HSDL2: variants seen among roughly 807,000 people sequenced by gnomAD.
HSDL2 encodes the protein hydroxysteroid dehydrogenase-like protein 2.
In HSDL2, 27 loss-of-function variants were observed where a neutral mutation model predicts 46.3. That is an observed-to-expected ratio of 0.58 (90% CI 0.43 to 0.80). The LOEUF is 0.80. Among genes scored for constraint, HSDL2 ranks in the 30% least tolerant of loss-of-function variants. The pLI is 0.00. For missense variants in HSDL2, 451 were observed against 502.7 expected, an observed-to-expected ratio of 0.90 and a Z score of 0.98; for synonymous variants, 153 against 163.6, an observed-to-expected ratio of 0.94 and a Z score of 0.50.
intron 8 of HSDL2, among the ~76,000 whole-genome samples, chr9:112,445,118 A>G (rs1173358675): frequency 6.6e-6 from 1 of 152,146 alleles, no homozygotes; most frequent in African/African-American, 2.4e-5. Context: ...GCCTCAAACA[A>G]TCATCCTGCC....
Position 112,470,509 on chromosome 9 carries a change from G to A in HSDL2, c.1222G>A (p.Glu408Lys). 1 of 1,610,084 alleles carries A rather than the reference G, an allele frequency of 6.2e-7. No individual in the cohort carries two copies. Among genetic ancestry groups the A allele is most frequent in the Non-Finnish European group, 8.5e-7 (1 of 1,177,130 alleles). Residue 408 changes from glutamate (E) to lysine (K), a missense_variant, in exon 11 of 11, where the codon GAG becomes AAG. Transcript: ENST00000398805. ...KGNMALAIKL[E>K]KLMNQMNARL ...TAACATGGCCCTAGCAATCAAATTG[G>A]AGAAGCTAATGAATCAGATGAATGC... is the stretch of plus-strand genomic sequence containing the variant.
At chr9:112,434,953 C>T (rs1203158054) in intron 6 of HSDL2, among the ~76,000 whole-genome samples, 1 of 152,122 alleles carries the variant, frequency 6.6e-6, no homozygotes, top group East Asian at 1.9e-4. Flanking sequence ...TGATCCATGG[C>T]TTATCTGCTT....
chr9:112,391,319 T>A lies in HSDL2; in HGVS notation c.17+11139T>A, dbSNP rs1232718283. Among the ~76,000 whole-genome samples the A allele has an allele frequency of 2.0e-5, 3 of 150,692 alleles. No individual in the cohort carries two copies. The East Asian group carries it at 5.9e-4, about 30-fold the overall frequency. The stretch of plus-strand genomic sequence containing the variant: ...TGTCCCCCCCCAAAAAATAAAAAAA[T>A]TAAATTAACCAGGCATGTTGGCATG... On this transcript the variant is annotated intron_variant, in intron 1 of 10. Coordinates refer to ENST00000398805, the MANE Select transcript of HSDL2 (RefSeq NM_032303.5).
rs1831244651 is a variant in HSDL2 at position 112,387,593 on chromosome 9, T to C, written c.17+7413T>C. ...CATGGAAGCTTATTATACTCTTTTC[T>C]GGTTTTTTAAATGTATTTGAAAATT... On this transcript the variant is annotated intron_variant, in intron 1 of 10. Coordinates refer to ENST00000398805, the MANE Select transcript of HSDL2 (RefSeq NM_032303.5). Among the ~76,000 whole-genome samples, 3 of 152,208 alleles carry C rather than the reference T, an allele frequency of 2.0e-5. No individual in the cohort carries two copies. In the South Asian group the frequency reaches 6.2e-4, roughly 32 times the overall value.
chr9:112,461,961 C>A (rs974849072), intron 10 of HSDL2, among the ~76,000 whole-genome samples: 3 of 152,266 alleles, frequency 2.0e-5, no homozygotes, highest in African/African-American at 7.2e-5. Flanking sequence ...TTTAAAAAAA[C>A]AATTATTCTT....
intron 4 of HSDL2, among the ~76,000 whole-genome samples, chr9:112,413,434 G>A (rs1324008135): frequency 5.3e-5 from 8 of 151,674 alleles, no homozygotes; most frequent in African/African-American, 1.7e-4. Flanking sequence ...CCAAGATCAC[G>A]CCATTGCACT....
At chr9:112,405,121 G>C (rs1386290284) in intron 2 of HSDL2, among the ~76,000 whole-genome samples, 3 of 152,214 alleles carry the variant, frequency 2.0e-5, no homozygotes, top group Non-Finnish European at 4.4e-5. Flanking sequence ...GGAGGCCAAG[G>C]CGGGTGGATC....
At chr9:112,449,583 G>A (rs1476162366) in intron 8 of HSDL2, among the ~76,000 whole-genome samples, 2 of 151,710 alleles carry the variant, frequency 1.3e-5, no homozygotes, top group East Asian at 3.9e-4. Flanking sequence ...ATCATTTTAG[G>A]CCGGGTGCGG....
chr9:112,417,511 A>G (rs992386949), intron 5 of HSDL2, among the ~76,000 whole-genome samples: 24 of 150,960 alleles, frequency 1.6e-4, no homozygotes, highest in African/African-American at 5.4e-4. Flanking sequence ...AAAAAACCCT[A>G]TTACCTTTCA....
At position 112,470,525 on chromosome 9, in the gene HSDL2, A is replaced by C; in HGVS notation, c.1238A>C (p.Gln413Pro). 6.2e-7 allele frequency: 1 copy of C among 1,600,982 alleles called. No homozygotes were observed. Among genetic ancestry groups the C allele is most frequent in the Non-Finnish European group, 8.6e-7 (1 of 1,169,092 alleles). Residue 413 changes from glutamine (Q) to proline (P), a missense_variant, in exon 11 of 11, where the codon CAG (glutamine) becomes CCG (proline). Gln to Pro is a moderately conservative substitution (Grantham distance 76). Coordinates refer to ENST00000398805, the MANE Select transcript of HSDL2 (RefSeq NM_032303.5). ...LAIKLEKLMN[Q>P]MNARL ...ATCAAATTGGAGAAGCTAATGAATC[A>C]GATGAATGCCAGACTGTGAAGGAAA...
At chr9:112,456,623 C>T (rs1327623824) in intron 9 of HSDL2, among the ~76,000 whole-genome samples, 1 of 152,180 alleles carries the variant, frequency 6.6e-6, no homozygotes, top group Non-Finnish European at 1.5e-5. Flanking sequence ...GAAACCCCAA[C>T]CATTCACGCG....
intron 1 of HSDL2, among the ~76,000 whole-genome samples, chr9:112,388,455 C>A: frequency 1.2e-5 from 1 of 80,126 alleles, no homozygotes. Context: ...AGCTAGACTC[C>A]ATCTCAAAAA....
intron 10 of HSDL2, among the ~76,000 whole-genome samples, chr9:112,464,034 T>C (rs1319936749): frequency 6.6e-6 from 1 of 152,176 alleles, no homozygotes; most frequent in Non-Finnish European, 1.5e-5. Flanking sequence ...TAGCTACTTA[T>C]ATTGGGTGAA....
At chr9:112,401,010 C>T (rs558131877) in intron 1 of HSDL2, among the ~76,000 whole-genome samples, 1 of 152,254 alleles carries the variant, frequency 6.6e-6, no homozygotes, top group African/African-American at 2.4e-5. Flanking sequence ...TTTTGGGGGA[C>T]ACAATTCAAT....
intron 6 of HSDL2, among the ~76,000 whole-genome samples, chr9:112,427,164 C>G (rs1408281861): frequency 6.6e-6 from 1 of 152,194 alleles, no homozygotes; most frequent in East Asian, 1.9e-4. Flanking sequence ...AAGTGATTCT[C>G]CTGCCCCAGC....
chr9:112,382,878 G>A (rs756390758), intron 1 of HSDL2, among the ~76,000 whole-genome samples: 4 of 150,574 alleles, frequency 2.7e-5, no homozygotes, highest in Non-Finnish European at 5.9e-5. Context: ...GGAGAAACAT[G>A]TTTTTGTGAA....
At chr9:112,402,698 G>A (rs1158598469) in intron 1 of HSDL2, among the ~76,000 whole-genome samples, 1 of 152,122 alleles carries the variant, frequency 6.6e-6, no homozygotes, top group Admixed American at 6.6e-5. Flanking sequence ...CAAGGCGGGT[G>A]GATCACGAGG....
At chr9:112,454,238 C>A in intron 9 of HSDL2, 76 bp downstream of exon 9, 1 of 1,202,118 alleles carries the variant, frequency 8.3e-7, no homozygotes, top group Non-Finnish European at 1.2e-6. Flanking sequence ...AATCAGCGTC[C>A]AACAGTGATC....
At chr9:112,441,043 A>C (rs998354375) in intron 7 of HSDL2, among the ~76,000 whole-genome samples, 2 of 151,184 alleles carry the variant, frequency 1.3e-5, no homozygotes, top group South Asian at 2.1e-4. Flanking sequence ...TAAATAAATA[A>C]ATAAAAATTA....
Sources: gnomAD v4.1 joint callset for allele counts (sites outside exome capture counted in the v4.1 genomes callset) on GRCh38, gnomAD v4.1.1 for gene constraint, MANE v1.5 for transcripts, NCBI Gene and HGNC (gene_info 2026-07-23, HGNC 2026-07-21) for gene names.